Variants in NPAS2 observed in about 807,000 individuals in gnomAD.
NPAS2 encodes the protein neuronal PAS domain-containing protein 2.
NPAS2 carries 23 observed loss-of-function variants against 107.5 expected under a neutral mutation model. The ratio of observed to expected loss-of-function variants is 0.21; its 90% CI spans 0.15 to 0.30. NPAS2 has a LOEUF of 0.30. NPAS2 is among the 10% of genes least tolerant of loss of function. The pLI, the probability that NPAS2 is intolerant of heterozygous loss-of-function variation, is 1.00. For missense variants in NPAS2, 756 were observed against 1,043.3 expected, an observed-to-expected ratio of 0.72 and a Z score of 3.79; for synonymous variants, 403 against 417.5, an observed-to-expected ratio of 0.97 and a Z score of 0.42.
rs1676390187 is a variant in NPAS2, at chr2:100,968,966, AG to A, written c.1055+541del. The stretch of plus-strand genomic sequence containing the variant: ...GCTGGCCTCAGGGAGCCCTCCACCC[AG>A]GGCGGGTGAGCAGGACTTTAAAGAG... On this transcript the variant is annotated intron_variant, in intron 11 of 20. Transcript: ENST00000335681. The surrounding 1 kb of genome is among the most constrained non-coding windows in gnomAD (Gnocchi z 5.3). Among the ~76,000 whole-genome samples, 1 of 152,190 alleles carries A rather than the reference AG, an allele frequency of 6.6e-6. No homozygotes were observed. Among genetic ancestry groups the A allele is most frequent in the Non-Finnish European group, 1.5e-5 (1 of 68,014 alleles).
chr2:100,953,875 G>C (rs572444283), intron 7 of NPAS2, among the ~76,000 whole-genome samples: 1 of 152,322 alleles, frequency 6.6e-6, no homozygotes, highest in Non-Finnish European at 1.5e-5. Context: ...GCACCCACAT[G>C]CCAGGCTGTG....
At chr2:100,878,954 T>C (rs933510856) in intron 1 of NPAS2, among the ~76,000 whole-genome samples, 3 of 152,052 alleles carry the variant, frequency 2.0e-5, no homozygotes, top group Non-Finnish European at 4.4e-5. Context: ...CCCCCATCTC[T>C]ACTAAAAATA....
chr2:100,990,202 G>C lies in NPAS2; in HGVS notation c.1828-54G>C, dbSNP rs756120136. On this transcript the variant is annotated intron_variant, in intron 17 of 20. Transcript: ENST00000335681. ...GAGACACTGGGAGGTTTCCTGGAGA[G>C]ATGGCCCAGGGTTGAGTCCAAGTCT... is the stretch of plus-strand genomic sequence containing the variant. 3 of 1,554,688 alleles carry C rather than the reference G, an allele frequency of 1.9e-6. No individual in the cohort carries two copies. The African/African-American group carries it at 4.1e-5, about 21-fold the overall frequency.
chr2:100,980,595 G>A (rs1435012758), intron 15 of NPAS2, among the ~76,000 whole-genome samples: 3 of 152,018 alleles, frequency 2.0e-5, no homozygotes, highest in Non-Finnish European at 4.4e-5. Flanking sequence ...TCAGCCTCCC[G>A]AGTAGCTGAG....
In NPAS2 at chr2:100,990,400, A is replaced by G; in HGVS notation, c.1972A>G (p.Ser658Gly). The G allele has an allele frequency of 6.2e-7, 1 of 1,614,220 alleles. No individual in the cohort carries two copies. ...TTPASTSQDA[S>G]QCQPSPDFSH... ...ACCTGCTTCCACCTCCCAGGATGCC[A>G]GCCAGTGCCAGCCCAGCCCAGACTT... The change falls in exon 18 of 21, where the codon AGC becomes GGC. Residue 658 changes from serine (S) to glycine (G), a missense_variant. By Grantham distance (56) the Ser-to-Gly change is moderately conservative (BLOSUM62 0). Around this residue, in one of 4 missense-constraint regions of NPAS2, gnomAD observed 496 missense variants for 594.4 expected, o/e 0.83. Coordinates refer to ENST00000335681, the MANE Select transcript of NPAS2 (RefSeq NM_002518.4).
intron 1 of NPAS2, among the ~76,000 whole-genome samples, chr2:100,842,922 T>G (rs1014880184): frequency 6.6e-6 from 1 of 151,880 alleles, no homozygotes; most frequent in Admixed American, 6.6e-5. Flanking sequence ...CTGAGAGGAG[T>G]AGGAAATGCT....
chr2:100,823,130 A>C (rs1010140136), intron 1 of NPAS2, among the ~76,000 whole-genome samples: 3 of 152,176 alleles, frequency 2.0e-5, no homozygotes, highest in African/African-American at 7.2e-5. Context: ...CACTATCCAA[A>C]GGTGAGAAAT....
chr2:100,951,890 C>T (rs1360163612), intron 7 of NPAS2, among the ~76,000 whole-genome samples: 4 of 152,164 alleles, frequency 2.6e-5, no homozygotes, highest in Non-Finnish European at 5.9e-5. Context: ...TGGCTCACAC[C>T]TGTAATCCCA....
intron 1 of NPAS2, among the ~76,000 whole-genome samples, chr2:100,874,635 A>G (rs1209245864): frequency 6.6e-6 from 1 of 151,952 alleles, no homozygotes; most frequent in African/African-American, 2.4e-5. Context: ...CCAGCTACTC[A>G]GGAGGCTGGG....
In NPAS2 at chr2:100,975,180, G is replaced by C. The variant is rs974032522; in HGVS notation, c.1282+236G>C. The C allele has an allele frequency of 5.1e-6, 3 of 583,606 alleles. No homozygotes were observed. In the African/African-American group the frequency reaches 5.6e-5, roughly 11 times the overall value. 36.2% of individuals were successfully genotyped at this position (583,606 alleles called of 1,614,324 possible). A position where few individuals can be genotyped will look rare whatever the true frequency, so the allele number is the denominator to read the frequency against. ...CATTGAGTGGGTTGTGCACAGATCT[G>C]ATCCCTTGACTGCTTTTAGTAATTC... On this transcript the variant is annotated intron_variant, in intron 13 of 20. Transcript: ENST00000335681.
chr2:100,983,025 T>A (rs1677554674), intron 16 of NPAS2: 1 of 152,472 alleles, frequency 6.6e-6, no homozygotes, highest in Admixed American at 6.5e-5. Flanking sequence ...ACATATTGGA[T>A]CTCTTTTAAT....
At chr2:100,858,873 A>C (rs1678752194) in intron 1 of NPAS2, among the ~76,000 whole-genome samples, 1 of 152,210 alleles carries the variant, frequency 6.6e-6, no homozygotes, top group African/African-American at 2.4e-5. Context: ...TGCCCTCCAT[A>C]GTGTAATTTT....
intron 5 of NPAS2, among the ~76,000 whole-genome samples, chr2:100,941,292 G>A (rs916086893): frequency 2.0e-5 from 3 of 152,212 alleles, no homozygotes; most frequent in Admixed American, 6.5e-5. Flanking sequence ...TGGCAGGCGC[G>A]GTGGCTCACG....
intron 5 of NPAS2, among the ~76,000 whole-genome samples, chr2:100,942,689 C>A (rs185478503): frequency 6.6e-6 from 1 of 152,248 alleles, no homozygotes. Flanking sequence ...TTTTTCGTCA[C>A]ACGTCCACCT....
intron 1 of NPAS2, among the ~76,000 whole-genome samples, chr2:100,851,198 T>C (rs1678154384): frequency 6.6e-6 from 1 of 152,078 alleles, no homozygotes; most frequent in Admixed American, 6.6e-5. Context: ...AGTTTAAGTT[T>C]TGCAAGATTG....
At chr2:100,964,977 C>A (rs373559314) in intron 9 of NPAS2, 34 bp downstream of exon 9, 185 of 1,425,814 alleles carry the variant, frequency 1.3e-4, no homozygotes, top group Admixed American at 1.0e-3. Flanking sequence ...TGGGTTGGGC[C>A]CTTCTCAAGT....
At chr2:100,845,490 C>T (rs922087415) in intron 1 of NPAS2, among the ~76,000 whole-genome samples, 2 of 152,176 alleles carry the variant, frequency 1.3e-5, no homozygotes, top group Non-Finnish European at 2.9e-5. Context: ...AGACCCAGCA[C>T]ACCGGTTGGC....
chr2:100,970,804 C>T (rs867068683), intron 11 of NPAS2, 186 bp from the exon 12 acceptor site: 55 of 477,672 alleles, frequency 1.2e-4, no homozygotes, highest in Admixed American at 8.9e-4. Context: ...TCACTCAGGT[C>T]GAATTTAAGG....
chr2:100,906,550 G>A (rs932475245), intron 2 of NPAS2, among the ~76,000 whole-genome samples: 1 of 152,224 alleles, frequency 6.6e-6, no homozygotes, highest in Non-Finnish European at 1.5e-5. Context: ...ATCATTACAT[G>A]TGTATGAATA....
Sources: allele counts gnomAD v4.1 joint callset (sites outside exome capture counted in the v4.1 genomes callset), GRCh38; gene constraint gnomAD v4.1.1; regional missense constraint gnomAD v4.1.1; non-coding constraint Gnocchi (gnomAD v3.1); transcripts MANE v1.5; gene names NCBI Gene and HGNC (gene_info 2026-07-23, HGNC 2026-07-21).